The following CACNA2D3 variants were observed in gnomAD, a reference collection of about 807,000 sequenced individuals.
The protein encoded by CACNA2D3 is calcium voltage-gated channel auxiliary subunit alpha2delta 3.
CACNA2D3 carries 60 observed loss-of-function variants against 160.6 expected under a neutral mutation model. The observed-to-expected ratio is 0.37, with a 90% CI of 0.30 to 0.46. CACNA2D3 has a LOEUF of 0.46. CACNA2D3 is among the 20% of genes least tolerant of loss of function. The pLI is 1.00. For synonymous variants in CACNA2D3, 558 were observed against 492.9 expected (o/e 1.13, Z -1.75); for missense variants, 1,205 against 1,365.0 (o/e 0.88, Z 1.85).
intron 13 of CACNA2D3, among the ~76,000 whole-genome samples, chr3:54,770,984 A>C (rs1050619506): frequency 6.6e-6 from 1 of 152,198 alleles, no homozygotes; most frequent in African/African-American, 2.4e-5. Flanking sequence ...TTGCATTCAG[A>C]GAAAACTGAT....
chr3:54,183,141 T>C (rs1313368467), intron 2 of CACNA2D3, among the ~76,000 whole-genome samples: 2 of 151,418 alleles, frequency 1.3e-5, no homozygotes, highest in African/African-American at 4.9e-5. Flanking sequence ...AAAATTGGAA[T>C]AAAAACCATC....
chr3:55,021,535 T>C (rs1703445221), intron 35 of CACNA2D3, among the ~76,000 whole-genome samples: 1 of 150,536 alleles, frequency 6.6e-6, no homozygotes, highest in Admixed American at 6.6e-5. Context: ...TTTATATGTA[T>C]ATAGATATAA....
At chr3:54,213,139 T>C (rs1426208533) in intron 2 of CACNA2D3, among the ~76,000 whole-genome samples, 1 of 152,164 alleles carries the variant, frequency 6.6e-6, no homozygotes, top group South Asian at 2.1e-4. Flanking sequence ...CTGGAGCTAA[T>C]GAATGCATCC....
chr3:54,791,826 C>T (rs975021448), intron 13 of CACNA2D3, among the ~76,000 whole-genome samples: 17 of 152,052 alleles, frequency 1.1e-4, no homozygotes, highest in African/African-American at 3.1e-4. Context: ...AAGTTTTTAC[C>T]CTTTACTCTG....
At chr3:54,788,048 G>A (rs973983074) in intron 13 of CACNA2D3, among the ~76,000 whole-genome samples, 15 of 152,196 alleles carry the variant, frequency 9.9e-5, no homozygotes, top group African/African-American at 3.1e-4. Context: ...TCTGATGGCC[G>A]CCATTTTATA....
chr3:54,994,882 C>G (rs944773218), intron 31 of CACNA2D3, among the ~76,000 whole-genome samples: 5 of 152,184 alleles, frequency 3.3e-5, no homozygotes, highest in African/African-American at 1.2e-4. Context: ...ATAGTTGGAG[C>G]AGACTAGCAT....
intron 16 of CACNA2D3, 39 bp from the exon 17 acceptor site, chr3:54,846,354 G>A (rs759964947): frequency 2.9e-6 from 4 of 1,369,566 alleles, no homozygotes; most frequent in South Asian, 2.5e-5. Context: ...TCACCAGGGA[G>A]CAAGCTAATG....
intron 3 of CACNA2D3, among the ~76,000 whole-genome samples, chr3:54,380,484 A>AT (rs1699083147): frequency 2.0e-5 from 3 of 152,232 alleles, no homozygotes; most frequent in African/African-American, 7.2e-5. Flanking sequence ...CACATCTGTG[A>AT]TCCCAGCACT....
chr3:55,070,314 G>A (rs1261498605), intron 35 of CACNA2D3, among the ~76,000 whole-genome samples: 1 of 152,192 alleles, frequency 6.6e-6, no homozygotes, highest in Non-Finnish European at 1.5e-5. Flanking sequence ...GGAGATGTGT[G>A]AAGAGAGAGA....
chr3:54,517,733 G>C (rs551384473), intron 5 of CACNA2D3, among the ~76,000 whole-genome samples: 1 of 152,146 alleles, frequency 6.6e-6, no homozygotes, highest in Non-Finnish European at 1.5e-5. Flanking sequence ...GCATCCAGGT[G>C]TCAGCTCACG....
intron 4 of CACNA2D3, among the ~76,000 whole-genome samples, chr3:54,424,488 A>T (rs1467982751): frequency 6.6e-6 from 1 of 152,210 alleles, no homozygotes; most frequent in Non-Finnish European, 1.5e-5. Flanking sequence ...ACATTAGCTG[A>T]TCACATTTCC....
intron 13 of CACNA2D3, among the ~76,000 whole-genome samples, chr3:54,801,855 A>G (rs1251506411): frequency 2.0e-5 from 3 of 152,206 alleles, no homozygotes. Context: ...TTGAGAAATC[A>G]CTATTAAATT....
At chr3:55,030,960 T>C (rs911027179) in intron 35 of CACNA2D3, among the ~76,000 whole-genome samples, 4 of 152,152 alleles carry the variant, frequency 2.6e-5, no homozygotes, top group African/African-American at 9.7e-5. Flanking sequence ...CTACCTGACA[T>C]GAATTAGTCT....
At chr3:54,447,546 C>T (rs1024545670) in intron 4 of CACNA2D3, among the ~76,000 whole-genome samples, 2 of 152,208 alleles carry the variant, frequency 1.3e-5, no homozygotes, top group African/African-American at 2.4e-5. Context: ...GCCTTTGTGG[C>T]CTCAGAGCCA....
At chr3:54,339,017 A>G (rs936045369) in intron 3 of CACNA2D3, among the ~76,000 whole-genome samples, 4 of 152,122 alleles carry the variant, frequency 2.6e-5, no homozygotes, top group African/African-American at 4.8e-5. Flanking sequence ...CATCAAAGCA[A>G]CCGGTATTAA....
chr3:54,334,278 G>A (rs554165339), intron 3 of CACNA2D3, among the ~76,000 whole-genome samples: 2 of 152,116 alleles, frequency 1.3e-5, no homozygotes, highest in South Asian at 4.2e-4. Flanking sequence ...GTAGAGACGG[G>A]GTTTCACCAT....
At chr3:54,380,959 A>T (rs2106645127) in intron 3 of CACNA2D3, among the ~76,000 whole-genome samples, 1 of 152,214 alleles carries the variant, frequency 6.6e-6, no homozygotes, top group African/African-American at 2.4e-5. Context: ...TGTAGCCCAA[A>T]TCCATGTTCA....
At chr3:54,759,937 A>G (rs1702048891) in intron 12 of CACNA2D3, among the ~76,000 whole-genome samples, 1 of 152,188 alleles carries the variant, frequency 6.6e-6, no homozygotes, top group Non-Finnish European at 1.5e-5. Flanking sequence ...CTTCCCCTAC[A>G]CGGTGAGCAC....
intron 35 of CACNA2D3, among the ~76,000 whole-genome samples, chr3:55,033,443 C>T (rs960178669): frequency 1.3e-5 from 2 of 151,576 alleles, no homozygotes; most frequent in Non-Finnish European, 2.9e-5. Flanking sequence ...GCATAGATGG[C>T]TTATGCACAT....
Sources: gnomAD v4.1 joint callset for allele counts (sites outside exome capture counted in the v4.1 genomes callset) on GRCh38, gnomAD v4.1.1 for gene constraint, MANE v1.5 for transcripts, NCBI Gene and HGNC (gene_info 2026-07-23, HGNC 2026-07-21) for gene names.